The following COL17A1 variants were observed in gnomAD, a reference collection of about 807,000 sequenced individuals.
COL17A1 encodes collagen type XVII alpha 1 chain, also known as collagen alpha-1(XVII) chain.
COL17A1 carries 181 observed loss-of-function variants against 218.4 expected under a neutral mutation model. That is an observed-to-expected ratio of 0.83 (90% CI 0.73 to 0.94). The LOEUF (loss-of-function observed/expected upper bound fraction) is 0.94, where lower values mean the gene tolerates loss of function less well. Ranked by LOEUF, COL17A1 falls within the 40% of genes least tolerant of loss-of-function variation. The probability of loss-of-function intolerance (pLI) is 0.00; values close to 1 mark genes in which losing one functional copy is unlikely to be tolerated. For synonymous variants in COL17A1, 721 were observed against 731.0 expected (o/e 0.99, Z 0.22); for missense variants, 1,924 against 1,945.9 (o/e 0.99, Z 0.21).
chr10:104,064,414 G>A, intron 10 of COL17A1, 24 bp downstream of exon 10: 1 of 1,613,830 alleles, frequency 6.2e-7, no homozygotes, highest in Non-Finnish European at 8.5e-7. Flanking sequence ...GGGTGAGAGA[G>A]GGTGTGGGCT....
chr10:104,037,595 A>T (rs1271605100), intron 46 of COL17A1, 41 bp downstream of exon 46: 27 of 1,613,314 alleles, frequency 1.7e-5, no homozygotes, highest in Non-Finnish European at 2.2e-5. Flanking sequence ...GCAGACCCAC[A>T]GGAGGAAGGT....
intron 10 of COL17A1, among the ~76,000 whole-genome samples, chr10:104,064,145 G>C (rs533951665): frequency 1.3e-5 from 2 of 152,212 alleles, no homozygotes; most frequent in East Asian, 1.9e-4. Context: ...CTTATTCAAG[G>C]CTCCACCGTC....
rs530916850 is a variant in COL17A1 at position 104,032,854 on chromosome 10, C to A, written c.4357+52G>T. The stretch of plus-strand genomic sequence containing the variant: ...CCAGCACAGGAGCTGCTTTTCAGTA[C>A]GAGGTGGGTGTTAACACAGGATCCA... On this transcript the variant is annotated intron_variant, in intron 54 of 55. Transcript: ENST00000648076. The A allele has an allele frequency of 5.6e-6, 9 of 1,612,380 alleles. No individual in the cohort carries two copies. In the South Asian group the frequency reaches 9.9e-5, roughly 18 times the overall value.
In COL17A1 at chr10:104,039,977, G is replaced by T. The variant is rs1456107429; in HGVS notation, c.2784C>A (p.His928Gln). ...TTGATGCCGGCTCTACTGTACCTTG[G>T]TGTCCTCTGGGGCCTGGGGGACCTG... is the stretch of plus-strand genomic sequence containing the variant. Reference protein sequence around the residue: ...GDQGPPGPRGHQGEQGLPGFS... With the variant: ...GDQGPPGPRGQQGEQGLPGFS... Residue 928 changes from histidine to glutamine, a missense_variant, in exon 41 of 56, where the codon CAC becomes CAA. His to Gln is a conservative substitution (Grantham distance 24, BLOSUM62 0). Coordinates refer to ENST00000648076, the MANE Select transcript of COL17A1 (RefSeq NM_000494.4). 6.2e-7 allele frequency: 1 copy of T among 1,614,130 alleles called. No individual in the cohort carries two copies. The highest frequency in any genetic ancestry group is 8.5e-7 in the Non-Finnish European group (1 of 1,180,028).
intron 31 of COL17A1, 49 bp downstream of exon 31, chr10:104,047,690 G>GCA (rs749107731): frequency 8.2e-6 from 12 of 1,461,404 alleles, no homozygotes; most frequent in South Asian, 1.1e-5. Flanking sequence ...CACACACAAA[G>GCA]CACACACACA....
chr10:104,037,788 A>G lies in COL17A1; in HGVS notation c.3071-15T>C. Reference sequence around the variant, plus strand: ...AATACTGTCACCTGCCGACCAAGGAACAAAGCAAAGTCAAGCCTGTCCCAA... The same window carrying G: ...AATACTGTCACCTGCCGACCAAGGAGCAAAGCAAAGTCAAGCCTGTCCCAA... On this transcript the variant is annotated splice_polypyrimidine_tract_variant and intron_variant, in intron 45 of 55. Coordinates refer to ENST00000648076, the MANE Select transcript of COL17A1 (RefSeq NM_000494.4). 1 of 1,613,192 alleles carries G rather than the reference A, an allele frequency of 6.2e-7. No individual in the cohort carries two copies. The highest frequency in any genetic ancestry group is 8.5e-7 in the Non-Finnish European group (1 of 1,179,734).
At chr10:104,060,051 T>C (rs1331596265) in intron 14 of COL17A1, 68 bp downstream of exon 14, 1 of 1,609,092 alleles carries the variant, frequency 6.2e-7, no homozygotes, top group African/African-American at 1.3e-5. Context: ...ACCACCTTGC[T>C]AGGACATTTG....
At chr10:104,054,772 C>T (rs753367078) in intron 20 of COL17A1, among the ~76,000 whole-genome samples, 4 of 152,118 alleles carry the variant, frequency 2.6e-5, no homozygotes, top group Non-Finnish European at 5.9e-5. Flanking sequence ...CAGGGAAGCT[C>T]GCCAATCCCG....
In COL17A1 at chr10:104,047,658, C is replaced by T. The variant is rs115130265; in HGVS notation, c.2335+81G>A. On this transcript the variant is annotated intron_variant, in intron 31 of 55. Coordinates refer to ENST00000648076, the MANE Select transcript of COL17A1 (RefSeq NM_000494.4). ...CAACCTGCACACCTGCACATGCACA[C>T]GCACACACATGCCTACATCCACACA... 4.5e-4 allele frequency: 520 copies of T among 1,165,664 alleles called. No homozygotes were observed. The African/African-American group carries it at 6.2e-3, about 14-fold the overall frequency. The allele number at this position is 1,165,664 out of a possible 1,614,324, so 72.2% of individuals were successfully genotyped here.
At chr10:104,072,105 G>T in intron 7 of COL17A1, 26 bp from the exon 8 acceptor site, 1 of 1,614,016 alleles carries the variant, frequency 6.2e-7, no homozygotes, top group Non-Finnish European at 8.5e-7. Context: ...GATAGAGAAG[G>T]GTGTGAATGA....
intron 6 of COL17A1, 43 bp downstream of exon 6, chr10:104,074,141 G>A: frequency 6.2e-7 from 1 of 1,613,790 alleles, no homozygotes; most frequent in South Asian, 1.1e-5. Context: ...TTTTCCTAGT[G>A]CCTCGTTTGA....
At chr10:104,040,296 C>G (rs1322817288) in intron 40 of COL17A1, 55 bp downstream of exon 40, 1 of 1,261,456 alleles carries the variant, frequency 7.9e-7, no homozygotes, top group East Asian at 2.3e-5. Context: ...TGGCAACCAG[C>G]AGGTAAACAG....
intron 48 of COL17A1, among the ~76,000 whole-genome samples, chr10:104,035,805 T>C (rs1210613197): frequency 8.3e-5 from 2 of 23,966 alleles, no homozygotes; most frequent in Non-Finnish European, 2.3e-4. Flanking sequence ...TGAGTATGTG[T>C]GTATGGGAGT....
rs577793967 is a variant in COL17A1 at position 104,066,906 on chromosome 10, A to C, written c.608-2310T>G. On this transcript the variant is annotated intron_variant, in intron 9 of 55. Coordinates refer to ENST00000648076, the MANE Select transcript of COL17A1 (RefSeq NM_000494.4). ...AGTTGGATATGTAAGTGTGCCTCTA[A>C]CAAGTACTAAGGTTAGGAATTTTAA... Among the ~76,000 whole-genome samples the C allele has an allele frequency of 3.3e-5, 5 of 152,276 alleles. No individual in the cohort carries two copies. The South Asian group carries it at 1.0e-3, about 32-fold the overall frequency.
Position 104,041,556 on chromosome 10 carries a change from T to C in COL17A1, c.2552-18A>G. On this transcript the variant is annotated intron_variant, in intron 36 of 55. Transcript: ENST00000648076. The stretch of plus-strand genomic sequence containing the variant: ...AAGAACTTCTATAGAGAGAAGAAAA[T>C]AGAAATGAGCAAAAGCTGTCACGAG... 2.5e-6 allele frequency: 4 copies of C among 1,609,990 alleles called. No individual in the cohort carries two copies. The highest frequency in any genetic ancestry group is 1.3e-5 in the African/African-American group (1 of 74,848).
chr10:104,046,699 C>T (rs1393712284), intron 32 of COL17A1, 48 bp downstream of exon 32: 1 of 1,603,730 alleles, frequency 6.2e-7, no homozygotes, highest in Admixed American at 1.7e-5. Context: ...AAGCAGTTAC[C>T]CCAGGAGAAG....
intron 26 of COL17A1, 26 bp from the exon 27 acceptor site, chr10:104,050,682 G>A (rs775307767): frequency 4.3e-6 from 7 of 1,614,154 alleles, no homozygotes; most frequent in Non-Finnish European, 5.9e-6. Flanking sequence ...ACACCTTGGT[G>A]TAAAATGCCC....
rs747679961 is a variant in COL17A1, at chr10:104,040,594, ATGGATAGG to A, written c.2702-192_2702-185del. On this transcript the variant is annotated intron_variant, in intron 39 of 55. Coordinates refer to ENST00000648076, the MANE Select transcript of COL17A1 (RefSeq NM_000494.4). ...GGTGGATGGATGGATGGATGGATGG[ATGGATAGG>A]TGGATGGATGGATGGATGGATAGGT... is the stretch of plus-strand genomic sequence containing the variant. 0.032 allele frequency among the ~76,000 whole-genome samples: 4,558 copies of A among 143,944 alleles called. 87 individuals are homozygous for A. Among genetic ancestry groups the A allele is most frequent in the Non-Finnish European group, 0.04 (2,535 of 63,132 alleles). 94.4% of individuals were successfully genotyped at this position (143,944 alleles called of 152,430 possible).
In COL17A1 at chr10:104,034,607, G is replaced by T. The variant is rs180732052; in HGVS notation, c.3766+14C>A. The T allele has an allele frequency of 2.1e-4, 341 of 1,607,828 alleles. 2 individuals are homozygous for T. The East Asian group carries it at 5.0e-3, about 24-fold the overall frequency. On this transcript the variant is annotated intron_variant, in intron 51 of 55. Coordinates refer to ENST00000648076, the MANE Select transcript of COL17A1 (RefSeq NM_000494.4). ...GCGGGGTGCCTGGTGGGGCATCACC[G>T]TCGGGGCACCTACTTGTGAGGTAGC... is the stretch of plus-strand genomic sequence containing the variant.
Sources: gnomAD v4.1 joint callset for allele counts (sites outside exome capture counted in the v4.1 genomes callset) on GRCh38, gnomAD v4.1.1 for gene constraint, MANE v1.5 for transcripts, NCBI Gene and HGNC (gene_info 2026-07-23, HGNC 2026-07-21) for gene names.